BRWD1: variants seen among roughly 807,000 people sequenced by gnomAD.
BRWD1 encodes the protein bromodomain and WD repeat-containing protein 1.
In BRWD1, 82 loss-of-function variants were observed where a neutral mutation model predicts 251.2. The ratio of observed to expected loss-of-function variants is 0.33; its 90% CI spans 0.27 to 0.39. BRWD1 has a LOEUF of 0.39. BRWD1 is among the 10% of genes least tolerant of loss of function. BRWD1 has a pLI of 1.00. For missense variants in BRWD1, 2,233 were observed against 2,711.6 expected (o/e 0.82, Z 3.92); for synonymous variants, 918 against 902.8 (o/e 1.02, Z -0.30).
At chr21:39,264,737 G>T in intron 16 of BRWD1, 52 bp from the exon 17 acceptor site, 1 of 1,501,198 alleles carries the variant, frequency 6.7e-7, no homozygotes, top group Non-Finnish European at 9.0e-7. Flanking sequence ...ACATTTTAAA[G>T]GAAACAAATA....
At position 39,313,358 on chromosome 21, in the gene BRWD1, A is replaced by T. The variant is rs35182074; in HGVS notation, c.50-59T>A. 8.2e-6 allele frequency: 12 copies of T among 1,462,834 alleles called. No homozygotes were observed. In the African/African-American group the frequency reaches 1.6e-4, roughly 20 times the overall value. The allele number at this position is 1,462,834 out of a possible 1,614,324, so 90.6% of individuals were successfully genotyped here. A position where few individuals can be genotyped will look rare whatever the true frequency, so the allele number is the denominator to read the frequency against. ...GCGGGGAGGGGAGGGGGACGGGGCC[A>T]GGGGAGCCGGGGGAGCCCGGGGAGC... On this transcript the variant is annotated intron_variant, in intron 1 of 40. Transcript: ENST00000342449.
At chr21:39,293,347 G>T (rs2146746861) in intron 8 of BRWD1, among the ~76,000 whole-genome samples, 1 of 152,092 alleles carries the variant, frequency 6.6e-6, no homozygotes, top group East Asian at 1.9e-4. Flanking sequence ...ACAAAAATTA[G>T]CCGGGTGTGG....
chr21:39,313,693 C>T (rs1011676202), upstream of BRWD1: 2 of 388,664 alleles, frequency 5.1e-6, no homozygotes, highest in African/African-American at 4.3e-5. Flanking sequence ...AGTAGTCCCT[C>T]CGCGGGGGGC....
chr21:39,291,815 C>T (rs1433951802), intron 8 of BRWD1, among the ~76,000 whole-genome samples: 2 of 152,210 alleles, frequency 1.3e-5, no homozygotes, highest in African/African-American at 2.4e-5. Flanking sequence ...CATGTAATAA[C>T]GTTCACCTAC....
chr21:39,241,842 C>A (rs1416122236), intron 21 of BRWD1, among the ~76,000 whole-genome samples: 1 of 152,122 alleles, frequency 6.6e-6, no homozygotes, highest in Non-Finnish European at 1.5e-5. Context: ...ATATTTCAAA[C>A]TTTTTCATTT....
At chr21:39,216,834 C>T (rs2032913535) in intron 31 of BRWD1, 1 of 217,168 alleles carries the variant, frequency 4.6e-6, no homozygotes. Flanking sequence ...GATTGTTACA[C>T]AGGGAAACTT....
chr21:39,315,502 T>G (rs2036683372), upstream of BRWD1, among the ~76,000 whole-genome samples: 2 of 151,912 alleles, frequency 1.3e-5, no homozygotes, highest in Admixed American at 6.6e-5. Context: ...GGTGTGGCAG[T>G]GCGCGCCTCT....
At position 39,212,709 on chromosome 21, in the gene BRWD1, T is replaced by A; in HGVS notation, c.3859-2A>T. The A allele has an allele frequency of 6.4e-7, 1 of 1,569,630 alleles. No individual in the cohort carries two copies. The highest frequency in any genetic ancestry group is 8.7e-7 in the Non-Finnish European group (1 of 1,143,522). On this transcript the variant is annotated splice_acceptor_variant, in intron 33 of 40. Coordinates refer to ENST00000342449, the MANE Select transcript of BRWD1 (RefSeq NM_033656.4). LOFTEE classifies it high-confidence loss of function. Reference sequence around the variant, plus strand: ...TGTTTTAGGAAGATCACTATCATCCTAGGAATAAAATCAGAGCACCTTAAG... The same window carrying A: ...TGTTTTAGGAAGATCACTATCATCCAAGGAATAAAATCAGAGCACCTTAAG...
At chr21:39,282,947 G>A (rs892033399) in intron 8 of BRWD1, among the ~76,000 whole-genome samples, 8 of 143,252 alleles carry the variant, frequency 5.6e-5, no homozygotes, top group East Asian at 3.9e-4. Context: ...CAACAAGAGC[G>A]GAACTCCGTC....
Position 39,195,776 on chromosome 21 carries a change from A to C in BRWD1, c.*483T>G. ...AAAAGTGGTAGGTACCTCGCCTACT[A>C]ATCATGGTTACACCTCCCATGATTA... On this transcript the variant is annotated 3_prime_UTR_variant, in exon 41 of 41. Coordinates refer to ENST00000342449, the MANE Select transcript of BRWD1 (RefSeq NM_033656.4). 1 of 985,774 alleles carries C rather than the reference A, an allele frequency of 1.0e-6. No homozygotes were observed. Among genetic ancestry groups the C allele is most frequent in the Non-Finnish European group, 1.2e-6 (1 of 829,948 alleles). 61.1% of individuals were successfully genotyped at this position (985,774 alleles called of 1,614,324 possible).
chr21:39,255,812 G>A lies in BRWD1; in HGVS notation c.2088C>T (p.Ser696=), dbSNP rs1160435085. The change falls in exon 19 of 41, where the codon AGC becomes AGT. Residue 696 remains serine, a synonymous_variant. Transcript: ENST00000342449. ...TATTTGGAGGGGACTGAATGTCTAA[G>A]CTCAGCCTTCTAAAACCTAGGAAAA... is the stretch of plus-strand genomic sequence containing the variant. ...ETPRRGFRRL[S]LDIQSPPNIG... 23 of 1,614,016 alleles carry A rather than the reference G, an allele frequency of 1.4e-5. No individual in the cohort carries two copies. The highest frequency in any genetic ancestry group is 1.9e-5 in the Non-Finnish European group (23 of 1,179,916).
Position 39,313,612 on chromosome 21 carries a change from G to GCCGCCA in BRWD1, c.-122_-121insTGGCGG, listed in dbSNP as rs869249836. On this transcript the variant is annotated 5_prime_UTR_variant, in exon 1 of 41. Transcript: ENST00000342449. ...GCGCGCCGCCGCCGCCGCCGCCGCCGCCATACCGTGCGCGCCGCCTGGACC... is the reference window on the plus strand; with the variant it reads ...GCGCGCCGCCGCCGCCGCCGCCGCCGCCGCCACCATACCGTGCGCGCCGCCTGGACC... 7.7e-6 allele frequency: 6 copies of GCCGCCA among 775,962 alleles called. No individual in the cohort carries two copies. Among genetic ancestry groups the GCCGCCA allele is most frequent in the South Asian group, 4.4e-5 (1 of 22,670 alleles). 48.1% of individuals were successfully genotyped at this position (775,962 alleles called of 1,614,324 possible).
intron 19 of BRWD1, among the ~76,000 whole-genome samples, chr21:39,254,381 G>C (rs1467928319): frequency 6.6e-6 from 1 of 151,728 alleles, no homozygotes; most frequent in East Asian, 1.9e-4. Context: ...TAGTAAGGAT[G>C]CTATGGAAAA....
rs756442856 is a variant in BRWD1 at position 39,293,922 on chromosome 21, A to G, written c.720T>C (p.Asn240=). ...CACAGCTCCCCGCAGCAATCATTGT[A>G]TTCTCATAGTTTACTGCCATATCTG... ...EISDMAVNYE[N]TMIAAGSCDK... Residue 240 remains asparagine, a synonymous_variant, in exon 8 of 41, where the codon AAT becomes AAC. Transcript: ENST00000342449. The G allele has an allele frequency of 1.2e-6, 2 of 1,614,144 alleles. No individual in the cohort carries two copies. Among genetic ancestry groups the G allele is most frequent in the Non-Finnish European group, 1.7e-6 (2 of 1,180,000 alleles).
At position 39,196,566 on chromosome 21, in the gene BRWD1, A is replaced by G. The variant is rs2031827171; in HGVS notation, c.6503T>C (p.Ile2168Thr). ...GGTTTTTGTATTATCAGTACAGTCA[A>G]TATCTGATTCAGTTACAGATCCCAA... ...SDLGSVTESDIDCTDNTKTKR... is the reference protein window; with the variant it reads ...SDLGSVTESDTDCTDNTKTKR... The change falls in exon 41 of 41, where the codon ATT (isoleucine) becomes ACT (threonine). Residue 2168 changes from isoleucine (I) to threonine (T), a missense_variant. Physicochemically the swap from Ile to Thr is moderately conservative, Grantham distance 89. This residue lies in a region of BRWD1 where 928 missense variants were observed against 970.0 expected (regional missense o/e 0.96). Coordinates refer to ENST00000342449, the MANE Select transcript of BRWD1 (RefSeq NM_033656.4). 1.2e-6 allele frequency: 2 copies of G among 1,613,584 alleles called. No individual in the cohort carries two copies. The highest frequency in any genetic ancestry group is 8.5e-7 in the Non-Finnish European group (1 of 1,179,794).
chr21:39,196,363 T>G lies in BRWD1; in HGVS notation c.6706A>C (p.Lys2236Gln), dbSNP rs774351536. 2.5e-6 allele frequency: 4 copies of G among 1,613,622 alleles called. No homozygotes were observed. The highest frequency in any genetic ancestry group is 3.4e-6 in the Non-Finnish European group (4 of 1,179,732). ...AKSKRVLRRS[K>Q]IKTRNQGRRT... ...CTACCCTGATTTCTCGTTTTTATTT[T>G]TGAACGTCGAAGAACTCTTTTAGAT... Residue 2236 changes from lysine (K) to glutamine (Q), a missense_variant, in exon 41 of 41, where the codon AAA (lysine) becomes CAA (glutamine). Lys to Gln is a moderately conservative substitution (Grantham distance 53). Transcript: ENST00000342449.
rs769898550 is a variant in BRWD1, at chr21:39,224,389, AT to A, written c.3382+18del. 6.8e-7 allele frequency: 1 copy of A among 1,470,054 alleles called. No homozygotes were observed. Among genetic ancestry groups the A allele is most frequent in the Admixed American group, 2.0e-5 (1 of 50,018 alleles). The allele number at this position is 1,470,054 out of a possible 1,614,324, so 91.1% of individuals were successfully genotyped here. A position where few individuals can be genotyped will look rare whatever the true frequency, so the allele number is the denominator to read the frequency against. ...ATTATAAAAATAAAATGTTTTCATT[AT>A]TTAACAAATATATATACCATTATCA... is the stretch of plus-strand genomic sequence containing the variant. On this transcript the variant is annotated intron_variant, in intron 29 of 40. Transcript: ENST00000342449.
chr21:39,188,510 C>A lies in BRWD1; in HGVS notation c.*7749G>T, dbSNP rs8127537. The A allele has an allele frequency of 1.0e-6, 1 of 985,168 alleles. No homozygotes were observed. Among genetic ancestry groups the A allele is most frequent in the African/African-American group, 1.7e-5 (1 of 57,230 alleles). The allele number at this position is 985,168 out of a possible 1,614,324, so 61.0% of individuals were successfully genotyped here. On this transcript the variant is annotated 3_prime_UTR_variant, in exon 41 of 41. Coordinates refer to ENST00000342449, the MANE Select transcript of BRWD1 (RefSeq NM_033656.4). ...CACTATTATTCTGTAGCAATGAAAC[C>A]ACCAATGCCAACCTTCTGAACTTTT...
rs2031607133 is a variant in BRWD1, at chr21:39,192,554, T to C, written c.*3705A>G. The C allele has an allele frequency of 2.0e-6, 2 of 984,284 alleles. No homozygotes were observed. Among genetic ancestry groups the C allele is most frequent in the African/African-American group, 1.7e-5 (1 of 57,204 alleles). The allele number at this position is 984,284 out of a possible 1,614,324, so 61.0% of individuals were successfully genotyped here. On this transcript the variant is annotated 3_prime_UTR_variant, in exon 41 of 41. Coordinates refer to ENST00000342449, the MANE Select transcript of BRWD1 (RefSeq NM_033656.4). Reference sequence around the variant, plus strand: ...GTTGCACTCTATCACATTAAAATAATTGAACTATAATTTCCATACAACATA... The same window carrying C: ...GTTGCACTCTATCACATTAAAATAACTGAACTATAATTTCCATACAACATA...
Sources: gnomAD v4.1 joint callset for allele counts (sites outside exome capture counted in the v4.1 genomes callset) on GRCh38, gnomAD v4.1.1 for gene constraint, gnomAD v4.1.1 regional missense constraint, MANE v1.5 for transcripts, NCBI Gene and HGNC (gene_info 2026-07-23, HGNC 2026-07-21) for gene names.